Variants in WASF2 observed in about 807,000 individuals in gnomAD.
WASF2 encodes the protein actin-binding protein WASF2.
WASF2 carries 14 observed loss-of-function variants against 45.0 expected under a neutral mutation model. The ratio of observed to expected loss-of-function variants is 0.31; its 90% CI spans 0.21 to 0.49. WASF2 has a LOEUF of 0.49. Ranked by LOEUF, WASF2 falls within the 20% of genes least tolerant of loss-of-function variation. WASF2 has a pLI of 0.99. For synonymous variants in WASF2, 200 were observed against 236.3 expected (o/e 0.85, Z 1.41); for missense variants, 439 against 636.1 (o/e 0.69, Z 3.33).
chr1:27,473,914 A>T (rs1372781176), intron 1 of WASF2, among the ~76,000 whole-genome samples: 1 of 152,208 alleles, frequency 6.6e-6, no homozygotes, highest in Non-Finnish European at 1.5e-5. Flanking sequence ...CATCAATCAC[A>T]CACGCACCCA....
At chr1:27,418,503 C>T (rs2016856990) in intron 3 of WASF2, 81 bp from the exon 4 acceptor site, 1 of 1,581,204 alleles carries the variant, frequency 6.3e-7, no homozygotes, top group Admixed American at 1.7e-5. Context: ...GGAGAGGCCT[C>T]AGCTGCTGCA....
At chr1:27,472,149 G>A (rs972670873) in intron 1 of WASF2, among the ~76,000 whole-genome samples, 2 of 151,890 alleles carry the variant, frequency 1.3e-5, no homozygotes, top group African/African-American at 4.8e-5. Flanking sequence ...TGCCCAACAT[G>A]GTGAAACCCT....
intron 1 of WASF2, among the ~76,000 whole-genome samples, chr1:27,429,159 C>A (rs2474293): frequency 0.85 from 124,687 of 146,498 alleles, 52,219 homozygotes; most frequent in Admixed American, 0.92. Flanking sequence ...TTTAGAAATT[C>A]TGGACTTGGT....
chr1:27,463,351 C>G, intron 1 of WASF2, among the ~76,000 whole-genome samples: 1 of 151,984 alleles, frequency 6.6e-6, no homozygotes, highest in East Asian at 1.9e-4. Context: ...TGATACTGGC[C>G]GGATGCGGTG....
intron 1 of WASF2, among the ~76,000 whole-genome samples, chr1:27,460,865 G>T (rs527597407): frequency 6.6e-6 from 1 of 152,154 alleles, no homozygotes; most frequent in Non-Finnish European, 1.5e-5. Context: ...TTGGCCAGGC[G>T]CAGTGGCTCA....
intron 4 of WASF2, among the ~76,000 whole-genome samples, chr1:27,417,648 G>A (rs997040291): frequency 6.6e-6 from 1 of 152,182 alleles, no homozygotes; most frequent in African/African-American, 2.4e-5. Context: ...AGAGGAGAGG[G>A]GCTTTGTCTA....
In WASF2 at chr1:27,410,081, G is replaced by A. The variant is rs1446997040; in HGVS notation, c.950C>T (p.Ala317Val). Residue 317 changes from alanine (A) to valine (V), a missense_variant, in exon 8 of 9, where the codon GCT becomes GTT. Around this residue, in one of 5 missense-constraint regions of WASF2, gnomAD observed 286 missense variants for 373.5 expected, o/e 0.77. Transcript: ENST00000618852. This position sits in a 1 kb window ranked among gnomAD's most constrained non-coding sequence, Gnocchi z 4.2. ...GSPPGPKPGF[A>V]PPPAPPPPPP... ...AGGTGGCGGAGGGGCAGGTGGTGGAGCAAACCCGGGTTTAGGGCCTGGTGG... is the reference window on the plus strand; with the variant it reads ...AGGTGGCGGAGGGGCAGGTGGTGGAACAAACCCGGGTTTAGGGCCTGGTGG... 7 of 1,613,128 alleles carry A rather than the reference G, an allele frequency of 4.3e-6. No homozygotes were observed. In the East Asian group the frequency reaches 1.6e-4, roughly 36 times the overall value.
intron 1 of WASF2, among the ~76,000 whole-genome samples, chr1:27,471,622 T>A (rs2017690356): frequency 6.6e-6 from 1 of 151,932 alleles, no homozygotes; most frequent in African/African-American, 2.4e-5. Context: ...CGCAAGAACC[T>A]GTCTCAAACA....
rs543715074 is a variant in WASF2 at position 27,454,394 on chromosome 1, C to T, written c.-43-25461G>A. On this transcript the variant is annotated intron_variant, in intron 1 of 8. Transcript: ENST00000618852. ...TTTGAGACTGTTTTCCTGTTGTTCA[C>T]GGTGAAGTGCAGTGGTGCAATTACA... 1.5e-3 allele frequency among the ~76,000 whole-genome samples: 222 copies of T among 149,782 alleles called. 1 individual carries two copies. The highest frequency in any genetic ancestry group is 4.9e-3 in the African/African-American group (201 of 40,614).
At chr1:27,476,167 T>C (rs2017764534) in intron 1 of WASF2, among the ~76,000 whole-genome samples, 2 of 152,206 alleles carry the variant, frequency 1.3e-5, no homozygotes, top group African/African-American at 4.8e-5. Context: ...TACGAGGCCT[T>C]AGGTAACACA....
chr1:27,451,745 G>T (rs2017385738), intron 1 of WASF2, among the ~76,000 whole-genome samples: 1 of 152,196 alleles, frequency 6.6e-6, no homozygotes, highest in Admixed American at 6.5e-5. Context: ...TACTGGGTTT[G>T]AAAGACCAGG....
chr1:27,431,555 A>G lies in WASF2; in HGVS notation c.-43-2622T>C, dbSNP rs538876335. On this transcript the variant is annotated intron_variant, in intron 1 of 8. Coordinates refer to ENST00000618852, the MANE Select transcript of WASF2 (RefSeq NM_006990.5). ...CAGCCACTGTGGCTCTTCCACTGGT[A>G]ATCATTTGAGTACTCATTCCAGCTT... 6.6e-5 allele frequency among the ~76,000 whole-genome samples: 10 copies of G among 152,298 alleles called. No homozygotes were observed. In the South Asian group the frequency reaches 1.9e-3, roughly 28 times the overall value.
At chr1:27,408,458 A>G in intron 8 of WASF2, 112 bp from the exon 9 acceptor site, 2 of 1,389,298 alleles carry the variant, frequency 1.4e-6, no homozygotes, top group Non-Finnish European at 1.9e-6. Flanking sequence ...TGGAAAGGAT[A>G]GAGAAAAAGA....
chr1:27,452,990 G>A (rs1057326727), intron 1 of WASF2, among the ~76,000 whole-genome samples: 7 of 150,880 alleles, frequency 4.6e-5, no homozygotes, highest in Admixed American at 6.6e-5. Flanking sequence ...TGGATCACCT[G>A]AAGTCAGGAG....
intron 1 of WASF2, among the ~76,000 whole-genome samples, chr1:27,434,305 A>C (rs2017103485): frequency 6.6e-6 from 1 of 152,212 alleles, no homozygotes; most frequent in Non-Finnish European, 1.5e-5. Context: ...TCTAAATCAA[A>C]GATGTTATAA....
intron 1 of WASF2, among the ~76,000 whole-genome samples, chr1:27,457,033 G>A (rs906572336): frequency 2.0e-5 from 3 of 151,854 alleles, no homozygotes; most frequent in South Asian, 2.1e-4. Context: ...GTGAGCCACC[G>A]GGTCCTGCCT....
At chr1:27,456,098 G>T (rs562638475) in intron 1 of WASF2, among the ~76,000 whole-genome samples, 83 of 152,094 alleles carry the variant, frequency 5.5e-4, no homozygotes, top group Middle Eastern at 6.8e-3. Flanking sequence ...CGAGGCAGGC[G>T]GATCACGAGG....
chr1:27,443,401 G>A (rs2017269863), intron 1 of WASF2, among the ~76,000 whole-genome samples: 1 of 151,042 alleles, frequency 6.6e-6, no homozygotes, highest in Non-Finnish European at 1.5e-5. Flanking sequence ...ATCACCTGAG[G>A]TCAGGAGTTC....
At chr1:27,437,447 A>C (rs1197816593) in intron 1 of WASF2, among the ~76,000 whole-genome samples, 2 of 152,218 alleles carry the variant, frequency 1.3e-5, no homozygotes, top group Non-Finnish European at 1.5e-5. Context: ...ATGCTATATG[A>C]AACAGAGATT....
Sources: gnomAD v4.1 joint callset for allele counts (sites outside exome capture counted in the v4.1 genomes callset) on GRCh38, gnomAD v4.1.1 for gene constraint, gnomAD v4.1.1 regional missense constraint, Gnocchi (gnomAD v3.1) non-coding constraint, MANE v1.5 for transcripts, NCBI Gene and HGNC (gene_info 2026-07-23, HGNC 2026-07-21) for gene names.